Variants in TLK1 observed in about 807,000 individuals in gnomAD.
TLK1 encodes tousled like kinase 1, also known as serine/threonine-protein kinase tousled-like 1.
Under a neutral mutation model 105.3 loss-of-function variants are expected in TLK1, and 24 were observed. The ratio of observed to expected loss-of-function variants is 0.23; its 90% CI spans 0.17 to 0.32. TLK1 has a LOEUF of 0.32. Among genes scored for constraint, TLK1 ranks in the 10% least tolerant of loss-of-function variants. The pLI is 1.00. For synonymous variants in TLK1, 321 were observed against 310.4 expected (o/e 1.03, Z -0.36); for missense variants, 558 against 910.5 (o/e 0.61, Z 4.98).
In TLK1 at chr2:170,994,093, A is replaced by G. The variant is rs886133823; in HGVS notation, c.2125-137T>C. On this transcript the variant is annotated intron_variant, in intron 20 of 20. Coordinates refer to ENST00000431350, the MANE Select transcript of TLK1 (RefSeq NM_012290.5). ...TTATTGGAAGTTCAAACCTTAAAAA[A>G]AAAATTCTGTAGCTAGAAAATTCTC... 1.0e-5 allele frequency: 10 copies of G among 972,462 alleles called. No individual in the cohort carries two copies. In the Admixed American group the frequency reaches 3.4e-4, roughly 33 times the overall value. The allele number at this position is 972,462 out of a possible 1,614,324, so 60.2% of individuals were successfully genotyped here. A position where few individuals can be genotyped will look rare whatever the true frequency, so the allele number is the denominator to read the frequency against.
At chr2:171,093,261 C>T (rs1326248536) in intron 2 of TLK1, among the ~76,000 whole-genome samples, 1 of 152,084 alleles carries the variant, frequency 6.6e-6, no homozygotes, top group African/African-American at 2.4e-5. Flanking sequence ...TAGTAAGAAA[C>T]AAATAATTAA....
At position 171,028,333 on chromosome 2, in the gene TLK1, A is replaced by G; in HGVS notation, c.1236+6T>C. The G allele has an allele frequency of 6.3e-7, 1 of 1,595,378 alleles. No homozygotes were observed. The highest frequency in any genetic ancestry group is 8.6e-7 in the Non-Finnish European group (1 of 1,163,890). ...GAACTAAAAATGCAGCATATGTTTC[A>G]CATACCTTTTTGAGATGTCCTAGTC... is the stretch of plus-strand genomic sequence containing the variant. On this transcript the variant is annotated splice_donor_region_variant and intron_variant, in intron 12 of 20. Coordinates refer to ENST00000431350, the MANE Select transcript of TLK1 (RefSeq NM_012290.5).
chr2:171,213,205 T>G (rs557540058), intron 1 of TLK1, among the ~76,000 whole-genome samples: 2 of 145,674 alleles, frequency 1.4e-5, no homozygotes, highest in Admixed American at 1.4e-4. Context: ...TCTTTTCTTT[T>G]CTTTTCTTTT....
At chr2:171,180,726 A>T (rs1015296815) in intron 1 of TLK1, among the ~76,000 whole-genome samples, 1 of 151,992 alleles carries the variant, frequency 6.6e-6, no homozygotes, top group Admixed American at 6.6e-5. Context: ...TTACTGAGAC[A>T]CTGATTTGAG....
In TLK1 at chr2:171,076,096, T is replaced by A. The variant is rs370924193; in HGVS notation, c.330+6685A>T. 4.9e-3 allele frequency among the ~76,000 whole-genome samples: 751 copies of A among 152,080 alleles called. 6 individuals are homozygous for A. Among genetic ancestry groups the A allele is most frequent in the African/African-American group, 0.017 (698 of 41,490 alleles). Reference sequence around the variant, plus strand: ...AGCCAGCCATGGTGGCGGGTGCCTGTAATCCCAGCTACTCAGGGGGCTGAA... The same window carrying A: ...AGCCAGCCATGGTGGCGGGTGCCTGAAATCCCAGCTACTCAGGGGGCTGAA... On this transcript the variant is annotated intron_variant, in intron 3 of 20. Transcript: ENST00000431350.
At chr2:171,002,684 G>A (rs1360365832) in intron 18 of TLK1, among the ~76,000 whole-genome samples, 1 of 152,162 alleles carries the variant, frequency 6.6e-6, no homozygotes, top group African/African-American at 2.4e-5. Flanking sequence ...CCAGGCTGAA[G>A]TGCTGTGGTG....
Position 171,081,728 on chromosome 2 carries a change from A to G in TLK1, c.330+1053T>C, listed in dbSNP as rs977948737. 44 of 1,303,356 alleles carry G rather than the reference A, an allele frequency of 3.4e-5. No homozygotes were observed. The Admixed American group carries it at 5.5e-4, about 16-fold the overall frequency. The allele number at this position is 1,303,356 out of a possible 1,614,324, so 80.7% of individuals were successfully genotyped here. A position where few individuals can be genotyped will look rare whatever the true frequency, so the allele number is the denominator to read the frequency against. ...TTGTTTCTGTGGAAGGGAAAGCCTG[A>G]TGAGTGAGAGCCCTATGCCATACTC... On this transcript the variant is annotated intron_variant, in intron 3 of 20. Coordinates refer to ENST00000431350, the MANE Select transcript of TLK1 (RefSeq NM_012290.5).
chr2:171,134,093 A>G (rs1325186094), intron 1 of TLK1, among the ~76,000 whole-genome samples: 2 of 152,214 alleles, frequency 1.3e-5, no homozygotes, highest in Admixed American at 6.5e-5. Context: ...GCCATGCAGC[A>G]TAACAGTTCT....
intron 18 of TLK1, among the ~76,000 whole-genome samples, chr2:170,999,196 A>C (rs1684234499): frequency 6.6e-6 from 1 of 151,888 alleles, no homozygotes; most frequent in South Asian, 2.1e-4. Context: ...TATCAAAACA[A>C]ATAATGCTGC....
At chr2:171,078,063 A>T (rs1017071503) in intron 3 of TLK1, among the ~76,000 whole-genome samples, 4 of 151,972 alleles carry the variant, frequency 2.6e-5, no homozygotes, top group Non-Finnish European at 5.9e-5. Flanking sequence ...ATGTAGCCTG[A>T]CCTCTTTCCT....
chr2:171,164,114 A>G (rs1211171377), upstream of TLK1, among the ~76,000 whole-genome samples: 1 of 152,140 alleles, frequency 6.6e-6, no homozygotes, highest in Non-Finnish European at 1.5e-5. Context: ...AACTTACTTT[A>G]GTTATATTTT....
chr2:171,192,685 A>C (rs1350931258), intron 1 of TLK1, among the ~76,000 whole-genome samples: 1 of 148,380 alleles, frequency 6.7e-6, no homozygotes, highest in African/African-American at 2.6e-5. Flanking sequence ...ATCCAAAAAA[A>C]TAAAAAATAA....
At chr2:171,118,209 T>A (rs928037167) in intron 1 of TLK1, among the ~76,000 whole-genome samples, 5 of 152,174 alleles carry the variant, frequency 3.3e-5, no homozygotes, top group African/African-American at 1.2e-4. Flanking sequence ...CCTATCCTAG[T>A]CCACTTAAAA....
intron 18 of TLK1, among the ~76,000 whole-genome samples, chr2:170,998,474 A>G (rs1252039029): frequency 6.6e-6 from 1 of 152,150 alleles, no homozygotes; most frequent in Non-Finnish European, 1.5e-5. Flanking sequence ...TGAGCTCTTG[A>G]ATATGACAAT....
At chr2:171,060,223 G>A (rs1055385359) in intron 4 of TLK1, among the ~76,000 whole-genome samples, 5 of 152,094 alleles carry the variant, frequency 3.3e-5, no homozygotes, top group African/African-American at 9.7e-5. Context: ...TCTTATTCGG[G>A]GGCTTGTTTT....
intron 1 of TLK1, among the ~76,000 whole-genome samples, chr2:171,119,644 G>A (rs1230449636): frequency 6.6e-6 from 1 of 152,148 alleles, no homozygotes; most frequent in East Asian, 1.9e-4. Context: ...AGAGCAATGG[G>A]ATAAAACAGG....
intron 1 of TLK1, among the ~76,000 whole-genome samples, chr2:171,145,182 C>T (rs1691741670): frequency 6.6e-6 from 1 of 152,004 alleles, no homozygotes. Context: ...GAGATGCACG[C>T]ATGTAGTCCT....
Position 171,006,650 on chromosome 2 carries a change from CAGAGA to C in TLK1, c.1599-12_1599-8del, listed in dbSNP as rs761532344. 1.6e-5 allele frequency: 25 copies of C among 1,611,574 alleles called. No homozygotes were observed. Among genetic ancestry groups the C allele is most frequent in the Non-Finnish European group, 2.0e-5 (24 of 1,179,620 alleles). Reference sequence around the variant, plus strand: ...TTCTAACACTGTACAAAACCTACAACAGAGAAGAGAAAAAAATTAGACATAAGTAA... The same window carrying C: ...TTCTAACACTGTACAAAACCTACAACAGAGAAAAAAATTAGACATAAGTAA... On this transcript the variant is annotated splice_region_variant and splice_polypyrimidine_tract_variant and intron_variant, in intron 16 of 20. Coordinates refer to ENST00000431350, the MANE Select transcript of TLK1 (RefSeq NM_012290.5).
chr2:171,055,664 G>A (rs1246667146), intron 6 of TLK1, among the ~76,000 whole-genome samples: 5 of 151,916 alleles, frequency 3.3e-5, no homozygotes, highest in African/African-American at 9.7e-5. Context: ...TTGTATCAGC[G>A]CTATCACTAC....
Sources: gnomAD v4.1 joint callset for allele counts (sites outside exome capture counted in the v4.1 genomes callset) on GRCh38, gnomAD v4.1.1 for gene constraint, MANE v1.5 for transcripts, NCBI Gene and HGNC (gene_info 2026-07-23, HGNC 2026-07-21) for gene names.